Variants in KLHDC4 observed in about 807,000 individuals in gnomAD.
KLHDC4 encodes kelch domain containing 4.
A neutral mutation model predicts 62.4 loss-of-function variants in KLHDC4; 90 were observed. The observed-to-expected ratio is 1.44, with a 90% CI of 1.22 to 1.72. KLHDC4 has a LOEUF of 1.72. KLHDC4 is among the 40% of genes most tolerant of loss of function. The probability of loss-of-function intolerance (pLI) is 0.00; values close to 1 mark genes in which losing one functional copy is unlikely to be tolerated. For synonymous variants in KLHDC4, 386 were observed against 284.4 expected (o/e 1.36, Z -3.59); for missense variants, 1,025 against 699.7 (o/e 1.47, Z -5.25).
chr16:87,715,563 T>A (rs1208296607), intron 7 of KLHDC4, among the ~76,000 whole-genome samples: 3 of 152,178 alleles, frequency 2.0e-5, no homozygotes, highest in African/African-American at 2.4e-5. Context: ...CGACTCTCCT[T>A]GTCTCTGAGG....
intron 5 of KLHDC4, among the ~76,000 whole-genome samples, chr16:87,735,844 A>T (rs1212950181): frequency 6.6e-6 from 1 of 152,160 alleles, no homozygotes; most frequent in Non-Finnish European, 1.5e-5. Context: ...ATGGAGCTCC[A>T]AGCAGGGCAA....
intron 8 of KLHDC4, among the ~76,000 whole-genome samples, chr16:87,711,648 G>A (rs985943488): frequency 6.6e-6 from 1 of 152,184 alleles, no homozygotes; most frequent in African/African-American, 2.4e-5. Context: ...AAGAGAGCTG[G>A]CATTCAACAG....
chr16:87,740,322 C>A (rs1597236182), intron 5 of KLHDC4, among the ~76,000 whole-genome samples: 1 of 152,198 alleles, frequency 6.6e-6, no homozygotes, highest in African/African-American at 2.4e-5. Flanking sequence ...CGGCTCCGCT[C>A]TGCTCCCTAT....
intron 5 of KLHDC4, among the ~76,000 whole-genome samples, chr16:87,741,228 G>A (rs4843692): frequency 0.051 from 7,778 of 152,220 alleles, 276 homozygotes; most frequent in East Asian, 0.15. Context: ...AAAAACACCC[G>A]CCAGCCAACC....
At chr16:87,715,246 T>C (rs1233590533) in intron 7 of KLHDC4, among the ~76,000 whole-genome samples, 1 of 152,212 alleles carries the variant, frequency 6.6e-6, no homozygotes, top group Non-Finnish European at 1.5e-5. Context: ...TTTGTATTTG[T>C]TTGCACTTTA....
At chr16:87,730,445 T>C in intron 6 of KLHDC4, 107 bp downstream of exon 6, 1 of 937,482 alleles carries the variant, frequency 1.1e-6, no homozygotes, top group Non-Finnish European at 1.6e-6. Flanking sequence ...GAAGCTGGAT[T>C]TGGGAGGATG....
At chr16:87,745,282 T>C (rs953639583) in intron 5 of KLHDC4, among the ~76,000 whole-genome samples, 4 of 151,770 alleles carry the variant, frequency 2.6e-5, no homozygotes, top group East Asian at 3.9e-4. Flanking sequence ...CCTTCTGCTC[T>C]TGCAGCACCC....
chr16:87,743,701 C>G (rs1224132901), intron 5 of KLHDC4, among the ~76,000 whole-genome samples: 1 of 152,050 alleles, frequency 6.6e-6, no homozygotes, highest in Non-Finnish European at 1.5e-5. Context: ...GATCAAACCA[C>G]TGCACTCCAG....
chr16:87,739,001 TC>T, intron 5 of KLHDC4, among the ~76,000 whole-genome samples: 1 of 57,024 alleles, frequency 1.8e-5, no homozygotes, highest in Admixed American at 1.6e-4. Flanking sequence ...CAGCACCTCA[TC>T]CATCCACACA....
At chr16:87,735,182 C>G (rs1327699764) in intron 5 of KLHDC4, among the ~76,000 whole-genome samples, 4 of 151,908 alleles carry the variant, frequency 2.6e-5, no homozygotes, top group African/African-American at 4.8e-5. Context: ...CGCCTGTAGT[C>G]CCAGCTACTC....
At chr16:87,709,783 G>A in intron 9 of KLHDC4, 116 bp from the exon 10 acceptor site, 4 of 1,257,822 alleles carry the variant, frequency 3.2e-6, no homozygotes, top group Non-Finnish European at 4.3e-6. Context: ...CGTGGGGAGT[G>A]TGTGACCCAG....
At chr16:87,716,919 G>A (rs8051934) in intron 7 of KLHDC4, among the ~76,000 whole-genome samples, 9,992 of 151,980 alleles carry the variant, frequency 0.066, 1,093 homozygotes, top group African/African-American at 0.23. Context: ...GCGACAGAGC[G>A]AGACTCCGTC....
intron 7 of KLHDC4, among the ~76,000 whole-genome samples, chr16:87,724,698 G>A (rs1057418872): frequency 6.6e-6 from 1 of 152,110 alleles, no homozygotes; most frequent in Non-Finnish European, 1.5e-5. Context: ...TATGAACAGG[G>A]GGCAACTGGA....
In KLHDC4 at chr16:87,751,451, G is replaced by T. The variant is rs2043921737; in HGVS notation, c.370-2642C>A. On this transcript the variant is annotated intron_variant, in intron 4 of 11. Transcript: ENST00000270583. ...GTCGCACCACTGCACTCCAGCCCGGGCAACAGAGCAAGACTTCATCTCAAA... is the reference window on the plus strand; with the variant it reads ...GTCGCACCACTGCACTCCAGCCCGGTCAACAGAGCAAGACTTCATCTCAAA... 1.3e-5 allele frequency among the ~76,000 whole-genome samples: 2 copies of T among 149,662 alleles called. 1 individual carries two copies. The highest frequency in any genetic ancestry group is 4.0e-4 in the East Asian group (2 of 5,058).
intron 7 of KLHDC4, among the ~76,000 whole-genome samples, chr16:87,725,176 G>T (rs1046632506): frequency 6.6e-6 from 1 of 152,198 alleles, no homozygotes; most frequent in Non-Finnish European, 1.5e-5. Context: ...TGGGCGGAGG[G>T]GAGGGTGGGC....
intron 8 of KLHDC4, 129 bp downstream of exon 8, chr16:87,714,369 G>T: frequency 7.9e-6 from 5 of 630,382 alleles, no homozygotes; most frequent in South Asian, 4.2e-5. Flanking sequence ...GAGCCATCTC[G>T]GCAGGCCCTC....
intron 6 of KLHDC4, among the ~76,000 whole-genome samples, chr16:87,728,583 G>A (rs947533192): frequency 2.0e-5 from 3 of 152,154 alleles, no homozygotes; most frequent in Non-Finnish European, 2.9e-5. Flanking sequence ...AAGGAGGAAG[G>A]GGCTGTACAA....
chr16:87,750,409 G>GC (rs1020151943), intron 4 of KLHDC4: 1 of 152,306 alleles, frequency 6.6e-6, no homozygotes, highest in Admixed American at 6.6e-5. Context: ...GCACCTAGTG[G>GC]CATAATTAAG....
chr16:87,751,100 C>G (rs2043855798), intron 4 of KLHDC4, among the ~76,000 whole-genome samples: 1 of 152,198 alleles, frequency 6.6e-6, no homozygotes, highest in African/African-American at 2.4e-5. Flanking sequence ...CAGAATAATC[C>G]TACAATAATA....
Sources: gnomAD v4.1 joint callset for allele counts (sites outside exome capture counted in the v4.1 genomes callset) on GRCh38, gnomAD v4.1.1 for gene constraint, MANE v1.5 for transcripts, NCBI Gene and HGNC (gene_info 2026-07-23, HGNC 2026-07-21) for gene names.